Variants in MIPEP observed in about 807,000 individuals in gnomAD.
MIPEP encodes the protein mitochondrial intermediate peptidase.
A neutral mutation model predicts 90.3 loss-of-function variants in MIPEP; 79 were observed. The ratio of observed to expected loss-of-function variants is 0.87; its 90% CI spans 0.73 to 1.05. The LOEUF (loss-of-function observed/expected upper bound fraction) is 1.05, where lower values mean the gene tolerates loss of function less well. Ranked by LOEUF, MIPEP falls within the 50% of genes least tolerant of loss-of-function variation. MIPEP has a pLI of 0.00. For missense variants in MIPEP, 940 were observed against 905.6 expected (o/e 1.04, Z -0.49); for synonymous variants, 334 against 315.8 (o/e 1.06, Z -0.61).
intron 18 of MIPEP, among the ~76,000 whole-genome samples, chr13:23,748,413 A>G (rs1209329542): frequency 6.6e-6 from 1 of 152,202 alleles, no homozygotes; most frequent in Non-Finnish European, 1.5e-5. Flanking sequence ...CCATAAACCA[A>G]TAAATGAAAT....
At chr13:23,778,505 C>G (rs1385644954) in intron 16 of MIPEP, among the ~76,000 whole-genome samples, 1 of 152,106 alleles carries the variant, frequency 6.6e-6, no homozygotes, top group Non-Finnish European at 1.5e-5. Flanking sequence ...TGGCCAATGG[C>G]TAGCCTTGGG....
At chr13:23,833,833 T>G (rs953846982) in intron 14 of MIPEP, among the ~76,000 whole-genome samples, 1 of 152,094 alleles carries the variant, frequency 6.6e-6, no homozygotes, top group Non-Finnish European at 1.5e-5. Context: ...CGCCAGACCC[T>G]CTTTCCGCAG....
chr13:23,772,335 A>C (rs1952662524), intron 16 of MIPEP, among the ~76,000 whole-genome samples: 1 of 152,212 alleles, frequency 6.6e-6, no homozygotes, highest in Non-Finnish European at 1.5e-5. Context: ...ACAACAAAAA[A>C]AACGGCTACA....
At chr13:23,831,123 C>T (rs567230327) in intron 14 of MIPEP, among the ~76,000 whole-genome samples, 19 of 152,258 alleles carry the variant, frequency 1.2e-4, no homozygotes, top group African/African-American at 4.6e-4. Flanking sequence ...TATATTCACA[C>T]ATCTGGGGAA....
At chr13:23,754,100 T>C (rs1191480792) in intron 18 of MIPEP, among the ~76,000 whole-genome samples, 6 of 152,120 alleles carry the variant, frequency 3.9e-5, no homozygotes, top group Non-Finnish European at 5.9e-5. Context: ...TACATTTTCA[T>C]AGAAGAATAC....
intron 18 of MIPEP, among the ~76,000 whole-genome samples, chr13:23,738,436 A>T (rs1952287871): frequency 6.6e-6 from 1 of 150,856 alleles, no homozygotes; most frequent in African/African-American, 2.5e-5. Flanking sequence ...TATTATATAT[A>T]AAAATTACTG....
At chr13:23,811,043 C>T (rs1052971255) in intron 14 of MIPEP, among the ~76,000 whole-genome samples, 2 of 152,214 alleles carry the variant, frequency 1.3e-5, no homozygotes, top group African/African-American at 4.8e-5. Context: ...CTGGGGCTTT[C>T]TGACACCAGG....
chr13:23,852,794 C>T (rs1226717811), intron 10 of MIPEP, among the ~76,000 whole-genome samples: 2 of 152,198 alleles, frequency 1.3e-5, no homozygotes, highest in African/African-American at 4.8e-5. Flanking sequence ...GCATTGTTAT[C>T]ACAGGGGATG....
At chr13:23,786,392 C>A (rs1323566317) in intron 16 of MIPEP, among the ~76,000 whole-genome samples, 1 of 151,900 alleles carries the variant, frequency 6.6e-6, no homozygotes, top group East Asian at 1.9e-4. Flanking sequence ...TTAAGCATAA[C>A]AGGAAACGGA....
At chr13:23,867,686 C>T (rs565180920) in intron 7 of MIPEP, among the ~76,000 whole-genome samples, 18 of 152,048 alleles carry the variant, frequency 1.2e-4, no homozygotes, top group African/African-American at 4.3e-4. Flanking sequence ...TAAATATTTG[C>T]TGAATTAATA....
chr13:23,772,048 G>GC (rs111315438), intron 16 of MIPEP, among the ~76,000 whole-genome samples: 11,944 of 152,062 alleles, frequency 0.079, 1,564 homozygotes, highest in African/African-American at 0.27. Context: ...CGTAACAACT[G>GC]CCCCCCCACT....
intron 16 of MIPEP, among the ~76,000 whole-genome samples, chr13:23,777,535 G>A (rs541848494): frequency 3.0e-4 from 46 of 152,130 alleles, no homozygotes; most frequent in Non-Finnish European, 5.6e-4. Context: ...TGGGTTTGAC[G>A]GTACACATGG....
intron 14 of MIPEP, among the ~76,000 whole-genome samples, chr13:23,814,338 G>C (rs1953210439): frequency 6.6e-6 from 1 of 152,136 alleles, no homozygotes; most frequent in African/African-American, 2.4e-5. Flanking sequence ...CCCACTGCAA[G>C]CTCCGCCTCC....
At chr13:23,850,501 C>T (rs978257471) in intron 10 of MIPEP, among the ~76,000 whole-genome samples, 1 of 152,180 alleles carries the variant, frequency 6.6e-6, no homozygotes, top group Non-Finnish European at 1.5e-5. Flanking sequence ...AACTTCCTGG[C>T]AACCAGGAAA....
rs149167642 is a variant in MIPEP, at chr13:23,749,514, A to C, written c.2044+7031T>G. ...ACTGAAGTGAGTTTCCTTGTGAAAA[A>C]GTGAGTTTCCCATCATCAGAACTGT... is the stretch of plus-strand genomic sequence containing the variant. On this transcript the variant is annotated intron_variant, in intron 18 of 18. Coordinates refer to ENST00000382172, the MANE Select transcript of MIPEP (RefSeq NM_005932.4). 8.6e-3 allele frequency among the ~76,000 whole-genome samples: 1,312 copies of C among 152,334 alleles called. 10 individuals are homozygous for C. The highest frequency in any genetic ancestry group is 0.017 in the Middle Eastern group (5 of 294).
intron 10 of MIPEP, among the ~76,000 whole-genome samples, chr13:23,848,021 A>G (rs983813393): frequency 2.0e-5 from 3 of 152,222 alleles, no homozygotes; most frequent in Admixed American, 6.5e-5. Flanking sequence ...GGCTTGTGAC[A>G]GTCTAAGGCA....
intron 16 of MIPEP, among the ~76,000 whole-genome samples, chr13:23,800,821 G>A (rs1593161900): frequency 6.6e-6 from 1 of 152,264 alleles, no homozygotes. Context: ...ATACATTTGA[G>A]GATAGAGACT....
At chr13:23,743,556 T>C (rs1952353279) in intron 18 of MIPEP, among the ~76,000 whole-genome samples, 1 of 152,246 alleles carries the variant, frequency 6.6e-6, no homozygotes, top group African/African-American at 2.4e-5. Flanking sequence ...GGCATTCACA[T>C]ATGAGGCTCT....
chr13:23,742,900 A>G (rs1266988315), intron 18 of MIPEP, among the ~76,000 whole-genome samples: 1 of 152,256 alleles, frequency 6.6e-6, no homozygotes, highest in Non-Finnish European at 1.5e-5. Flanking sequence ...TTGTAAGTGT[A>G]GGACATTGTG....
Sources: allele counts gnomAD v4.1 joint callset (sites outside exome capture counted in the v4.1 genomes callset), GRCh38; gene constraint gnomAD v4.1.1; transcripts MANE v1.5; gene names NCBI Gene and HGNC (gene_info 2026-07-23, HGNC 2026-07-21).